The following CHD9 variants were observed in gnomAD, a reference collection of about 807,000 sequenced individuals.
CHD9 encodes the protein chromodomain helicase DNA binding protein 9, also known as ATP-dependent chromatin remodeler CHD9.
CHD9 carries 77 observed loss-of-function variants against 316.1 expected under a neutral mutation model. The observed-to-expected ratio is 0.24, with a 90% CI of 0.20 to 0.29. CHD9 has a LOEUF of 0.29. Ranked by LOEUF, CHD9 falls within the 10% of genes least tolerant of loss-of-function variation. CHD9 has a pLI of 1.00. For synonymous variants in CHD9, 1,129 were observed against 1,158.3 expected (o/e 0.97, Z 0.51); for missense variants, 2,763 against 3,438.1 (o/e 0.80, Z 4.91).
chr16:53,065,639 A>T (rs1467929561), intron 1 of CHD9, among the ~76,000 whole-genome samples: 8 of 19,266 alleles, frequency 4.2e-4, no homozygotes, highest in South Asian at 2.8e-3. Flanking sequence ...GTCTTAAATT[A>T]AAAAAAAAAA....
At chr16:53,094,941 G>A (rs897132690) in intron 1 of CHD9, among the ~76,000 whole-genome samples, 4 of 152,238 alleles carry the variant, frequency 2.6e-5, no homozygotes. Flanking sequence ...GCCCGGCCTT[G>A]TTTTCCTTTT....
At chr16:53,254,647 T>C (rs762935578) in intron 18 of CHD9, 42 bp downstream of exon 18, 16 of 1,535,534 alleles carry the variant, frequency 1.0e-5, no homozygotes, top group Admixed American at 7.2e-5. Context: ...TTGTGTGTTT[T>C]TGCATTTGAT....
chr16:53,297,963 G>A (rs974796623), intron 30 of CHD9, among the ~76,000 whole-genome samples: 1 of 152,214 alleles, frequency 6.6e-6, no homozygotes, highest in Admixed American at 6.5e-5. Context: ...TAAAATGACA[G>A]CTAAAGCAAA....
At chr16:53,266,267 G>C (rs949880788) in intron 20 of CHD9, among the ~76,000 whole-genome samples, 21 of 152,088 alleles carry the variant, frequency 1.4e-4, no homozygotes, top group Admixed American at 1.4e-3. Flanking sequence ...CTTGGCAAAA[G>C]TTAACATCAC....
intron 1 of CHD9, among the ~76,000 whole-genome samples, chr16:53,091,567 G>T (rs1274014005): frequency 6.6e-6 from 1 of 152,172 alleles, no homozygotes; most frequent in African/African-American, 2.4e-5. Context: ...GACCCCTGCC[G>T]TAGTTACTCT....
At position 53,303,882 on chromosome 16, in the gene CHD9, T is replaced by A; in HGVS notation, c.5876T>A (p.Val1959Asp). ...KLCHPNPDLP[V>D]WWECGPHDRD... is the part of the protein sequence containing the mutation. ...TGCCATCCAAATCCAGATTTACCAG[T>A]CTGGTGGGAATGTGGCCCTCATGAT... The change falls in exon 31 of 39, where the codon GTC becomes GAC. Residue 1959 changes from valine to aspartate, a missense_variant. Val to Asp is a radical substitution (Grantham distance 152). Transcript: ENST00000447540. 1 of 1,613,988 alleles carries A rather than the reference T, an allele frequency of 6.2e-7. No individual in the cohort carries two copies. The highest frequency in any genetic ancestry group is 8.5e-7 in the Non-Finnish European group (1 of 1,179,882).
At chr16:53,308,340 A>G (rs894599117) in intron 33 of CHD9, among the ~76,000 whole-genome samples, 3 of 152,162 alleles carry the variant, frequency 2.0e-5, no homozygotes, top group African/African-American at 7.2e-5. Flanking sequence ...CTTATTACTT[A>G]GTGTCTAAAA....
rs1160974877 is a variant in CHD9, at chr16:53,297,156, A to C, written c.5711A>C (p.Glu1904Ala). The C allele has an allele frequency of 1.9e-6, 3 of 1,610,870 alleles. No individual in the cohort carries two copies. Among genetic ancestry groups the C allele is most frequent in the Non-Finnish European group, 2.5e-6 (3 of 1,177,770 alleles). The change falls in exon 30 of 39, where the codon GAA becomes GCA. Residue 1904 changes from glutamate to alanine, a missense_variant and splice_region_variant. Glu to Ala is a moderately radical substitution (Grantham distance 107). Coordinates refer to ENST00000447540, the MANE Select transcript of CHD9 (RefSeq NM_001308319.2). ...AGGGTTTGTCGTCTTCCTTCCAAAG[A>C]AGGTATGTATAAAATTTCTTTTTCC... ...CRRVCRLPSK[E>A]ELVDPNIFIQ...
At chr16:53,152,565 A>G (rs1050392435) in intron 1 of CHD9, among the ~76,000 whole-genome samples, 43 of 152,182 alleles carry the variant, frequency 2.8e-4, no homozygotes, top group African/African-American at 1.0e-3. Context: ...CTTACAAGTC[A>G]TAGTAAGGAT....
At position 53,245,195 on chromosome 16, in the gene CHD9, T is replaced by A; in HGVS notation, c.3055-141T>A. ...AAACAAACAAACAAATATATATATA[T>A]ACACACACACACACATAACATATAT... On this transcript the variant is annotated intron_variant, in intron 13 of 38. Transcript: ENST00000447540. This position sits in a 1 kb window ranked among gnomAD's most constrained non-coding sequence, Gnocchi z 4.1. 1 of 498,580 alleles carries A rather than the reference T, an allele frequency of 2.0e-6. No homozygotes were observed. The highest frequency in any genetic ancestry group is 3.2e-6 in the Non-Finnish European group (1 of 316,230). The allele number at this position is 498,580 out of a possible 1,614,324, so 30.9% of individuals were successfully genotyped here. A position where few individuals can be genotyped will look rare whatever the true frequency, so the allele number is the denominator to read the frequency against.
chr16:53,136,500 A>T (rs1055643493), intron 1 of CHD9, among the ~76,000 whole-genome samples: 8 of 152,022 alleles, frequency 5.3e-5, no homozygotes, highest in African/African-American at 1.9e-4. Flanking sequence ...TTAAAATGGC[A>T]ATCAAATAGT....
intron 2 of CHD9, among the ~76,000 whole-genome samples, chr16:53,199,280 G>A (rs1396635441): frequency 1.3e-5 from 2 of 152,048 alleles, no homozygotes; most frequent in Non-Finnish European, 2.9e-5. Context: ...GATTTTTATT[G>A]AAACCACTTA....
chr16:53,262,102 C>T (rs995185489), intron 19 of CHD9, among the ~76,000 whole-genome samples: 2 of 151,968 alleles, frequency 1.3e-5, no homozygotes, highest in African/African-American at 4.8e-5. Flanking sequence ...AACCATTTAC[C>T]ACTAGTCTCC....
chr16:53,124,687 C>T (rs1489620757), intron 1 of CHD9, among the ~76,000 whole-genome samples: 2 of 151,914 alleles, frequency 1.3e-5, no homozygotes, highest in Non-Finnish European at 1.5e-5. Context: ...ACCATGTTGG[C>T]TAGGTTGGTC....
At chr16:53,176,332 T>C (rs1338604964) in intron 2 of CHD9, among the ~76,000 whole-genome samples, 1 of 152,230 alleles carries the variant, frequency 6.6e-6, no homozygotes, top group East Asian at 1.9e-4. Context: ...TTTTTGTTTT[T>C]CCTCCGTCTT....
At chr16:53,096,160 C>T (rs1451770532) in intron 1 of CHD9, among the ~76,000 whole-genome samples, 3 of 151,410 alleles carry the variant, frequency 2.0e-5, no homozygotes, top group African/African-American at 4.9e-5. Context: ...TGGGCTCAAG[C>T]GATCCTCCCA....
intron 1 of CHD9, among the ~76,000 whole-genome samples, chr16:53,154,732 G>A (rs889586528): frequency 6.6e-6 from 1 of 152,202 alleles, no homozygotes; most frequent in African/African-American, 2.4e-5. Flanking sequence ...AGCTCAGGCA[G>A]TAATGCTGGC....
chr16:53,082,128 A>T (rs1483096452), intron 1 of CHD9, among the ~76,000 whole-genome samples: 2 of 152,176 alleles, frequency 1.3e-5, no homozygotes, highest in Admixed American at 6.5e-5. Flanking sequence ...AGGAGGAAGG[A>T]CTATTTTCCA....
Position 53,254,609 on chromosome 16 carries a change from T to C in CHD9, c.4029+4T>C. 1.3e-6 allele frequency: 2 copies of C among 1,574,052 alleles called. No individual in the cohort carries two copies. Among genetic ancestry groups the C allele is most frequent in the African/African-American group, 2.7e-5 (2 of 73,874 alleles). The stretch of plus-strand genomic sequence containing the variant: ...AAGAGAAAGTAATGTTGGTGGTGTA[T>C]GTATAGTTTCTTTTTCACTTGAGAT... On this transcript the variant is annotated splice_donor_region_variant and intron_variant, in intron 18 of 38. Transcript: ENST00000447540.
Sources: gnomAD v4.1 joint callset for allele counts (sites outside exome capture counted in the v4.1 genomes callset) on GRCh38, gnomAD v4.1.1 for gene constraint, Gnocchi (gnomAD v3.1) non-coding constraint, MANE v1.5 for transcripts, NCBI Gene and HGNC (gene_info 2026-07-23, HGNC 2026-07-21) for gene names.